Variants in AAK1 observed in about 807,000 individuals in gnomAD.
AAK1 encodes the protein AP2-associated protein kinase 1.
Under a neutral mutation model 116.0 loss-of-function variants are expected in AAK1, and 37 were observed. The observed-to-expected ratio is 0.32, with a 90% confidence interval of 0.25 to 0.42. The LOEUF is 0.42. AAK1 is among the 10% of genes least tolerant of loss of function. The probability of loss-of-function intolerance (pLI) is 1.00; values close to 1 mark genes in which losing one functional copy is unlikely to be tolerated. For missense variants in AAK1, 919 were observed against 1,170.6 expected (o/e 0.79, Z 3.14); for synonymous variants, 458 against 439.9 (o/e 1.04, Z -0.51).
chr2:69,598,120 A>C lies in AAK1; in HGVS notation c.164-41142T>G, dbSNP rs1478396770. The C allele has an allele frequency of 4.4e-6, 5 of 1,136,682 alleles. No homozygotes were observed. In the Admixed American group the frequency reaches 1.6e-4, roughly 36 times the overall value. The allele number at this position is 1,136,682 out of a possible 1,614,324, so 70.4% of individuals were successfully genotyped here. A position where few individuals can be genotyped will look rare whatever the true frequency, so the allele number is the denominator to read the frequency against. Reference sequence around the variant, plus strand: ...ATACATATAATAACATGACCTTGAAAACCATTATGGCATTCAGGTGGGTAA... The same window carrying C: ...ATACATATAATAACATGACCTTGAACACCATTATGGCATTCAGGTGGGTAA... On this transcript the variant is annotated intron_variant, in intron 2 of 21. Coordinates refer to ENST00000409085, the MANE Select transcript of AAK1 (RefSeq NM_014911.5).
chr2:69,530,330 A>C (rs759300996), intron 7 of AAK1, among the ~76,000 whole-genome samples, 190 bp from the exon 8 acceptor site: 5 of 152,184 alleles, frequency 3.3e-5, no homozygotes, highest in Non-Finnish European at 7.3e-5. Context: ...TTCTACCATT[A>C]TTACCAAATC....
chr2:69,516,360 G>A (rs1676582048), intron 12 of AAK1, among the ~76,000 whole-genome samples: 1 of 148,514 alleles, frequency 6.7e-6, no homozygotes, highest in South Asian at 2.1e-4. Context: ...CAGAAATCCA[G>A]TAATTACAAA....
In AAK1 at chr2:69,470,196, G is replaced by C; in HGVS notation, c.*5673C>G. On this transcript the variant is annotated 3_prime_UTR_variant, in exon 22 of 22. Coordinates refer to ENST00000409085, the MANE Select transcript of AAK1 (RefSeq NM_014911.5). ...ACCAAAAACTGAAAGAACGGTTACA[G>C]GGAGTATCAAAGATATGATTCTTGC... is the stretch of plus-strand genomic sequence containing the variant. 8.1e-6 allele frequency: 8 copies of C among 985,408 alleles called. No homozygotes were observed. Among genetic ancestry groups the C allele is most frequent in the African/African-American group, 1.7e-5 (1 of 57,340 alleles). 61.0% of individuals were successfully genotyped at this position (985,408 alleles called of 1,614,324 possible).
chr2:69,547,179 G>T (rs1327484195), intron 3 of AAK1, among the ~76,000 whole-genome samples: 1 of 152,128 alleles, frequency 6.6e-6, no homozygotes, highest in African/African-American at 2.4e-5. Flanking sequence ...AAACATACGT[G>T]CAAATCTTTG....
chr2:69,471,314 G>C lies in AAK1; in HGVS notation c.*4555C>G. ...ATTAGTGAAAGGAAATCTGGGAGAA[G>C]CAAAAGAGGTTTCTTGTTATAGATT... On this transcript the variant is annotated 3_prime_UTR_variant, in exon 22 of 22. Transcript: ENST00000409085. The C allele has an allele frequency of 1.0e-6, 1 of 985,456 alleles. No individual in the cohort carries two copies. The highest frequency in any genetic ancestry group is 1.2e-6 in the Non-Finnish European group (1 of 829,932). The allele number at this position is 985,456 out of a possible 1,614,324, so 61.0% of individuals were successfully genotyped here. A position where few individuals can be genotyped will look rare whatever the true frequency, so the allele number is the denominator to read the frequency against.
At chr2:69,623,191 G>T (rs1423178011) in intron 2 of AAK1, among the ~76,000 whole-genome samples, 2 of 152,278 alleles carry the variant, frequency 1.3e-5, no homozygotes, top group Admixed American at 1.3e-4. Context: ...CCAGAAGGAA[G>T]AAACTCTGAA....
At chr2:69,489,606 C>A (rs1261268726) in intron 17 of AAK1, among the ~76,000 whole-genome samples, 1 of 152,106 alleles carries the variant, frequency 6.6e-6, no homozygotes, top group Admixed American at 6.5e-5. Flanking sequence ...CCAGCCCCAC[C>A]AAAAAAGAGG....
chr2:69,503,528 T>C (rs1035036471), intron 16 of AAK1, among the ~76,000 whole-genome samples: 3 of 152,216 alleles, frequency 2.0e-5, no homozygotes, highest in Non-Finnish European at 4.4e-5. Context: ...GTTTTTGTTT[T>C]TGTTTTTTTG....
At chr2:69,560,151 C>T (rs1461641169) in intron 2 of AAK1, among the ~76,000 whole-genome samples, 4 of 152,214 alleles carry the variant, frequency 2.6e-5, no homozygotes, top group African/African-American at 2.4e-5. Context: ...TCAAAATCCA[C>T]GCCTAACAGG....
At chr2:69,595,263 C>T (rs1483698997) in intron 2 of AAK1, among the ~76,000 whole-genome samples, 2 of 152,068 alleles carry the variant, frequency 1.3e-5, no homozygotes, top group African/African-American at 2.4e-5. Flanking sequence ...CAGGCACGCA[C>T]CACCACACCT....
chr2:69,472,158 T>C lies in AAK1; in HGVS notation c.*3711A>G. The C allele has an allele frequency of 1.0e-6, 1 of 983,970 alleles. No homozygotes were observed. The highest frequency in any genetic ancestry group is 1.2e-6 in the Non-Finnish European group (1 of 828,558). The allele number at this position is 983,970 out of a possible 1,614,324, so 61.0% of individuals were successfully genotyped here. On this transcript the variant is annotated 3_prime_UTR_variant, in exon 22 of 22. Coordinates refer to ENST00000409085, the MANE Select transcript of AAK1 (RefSeq NM_014911.5). Reference sequence around the variant, plus strand: ...TTACAGAAATTAAGTCTTAATCATGTTCACTTTCTATTATAAGGTCCTCTC... The same window carrying C: ...TTACAGAAATTAAGTCTTAATCATGCTCACTTTCTATTATAAGGTCCTCTC...
At chr2:69,571,429 C>A (rs1266457588) in intron 2 of AAK1, among the ~76,000 whole-genome samples, 1 of 152,216 alleles carries the variant, frequency 6.6e-6, no homozygotes, top group African/African-American at 2.4e-5. Flanking sequence ...AATCTAGCTT[C>A]ACTTCCTGCT....
Position 69,469,910 on chromosome 2 carries a change from T to G in AAK1, c.*5959A>C. 22 of 985,406 alleles carry G rather than the reference T, an allele frequency of 2.2e-5. No individual in the cohort carries two copies. Among genetic ancestry groups the G allele is most frequent in the Non-Finnish European group, 2.7e-5 (22 of 829,934 alleles). 61.0% of individuals were successfully genotyped at this position (985,406 alleles called of 1,614,324 possible). A position where few individuals can be genotyped will look rare whatever the true frequency, so the allele number is the denominator to read the frequency against. ...AAATTATGTAGATTTCAGCAAGAAC[T>G]CACATGCTTCAGGGAAGAGAAGGAG... On this transcript the variant is annotated 3_prime_UTR_variant, in exon 22 of 22. Coordinates refer to ENST00000409085, the MANE Select transcript of AAK1 (RefSeq NM_014911.5).
intron 9 of AAK1, 28 bp from the exon 10 acceptor site, chr2:69,525,140 A>G (rs1558935077): frequency 6.2e-7 from 1 of 1,604,318 alleles, no homozygotes. Flanking sequence ...AAACAGAACA[A>G]AACAAAAGGA....
chr2:69,623,094 CTT>C (rs1674733084), intron 2 of AAK1, among the ~76,000 whole-genome samples: 1 of 152,180 alleles, frequency 6.6e-6, no homozygotes. Flanking sequence ...GCTGCTCACT[CTT>C]TGGGTCCACA....
intron 2 of AAK1, among the ~76,000 whole-genome samples, chr2:69,579,790 T>G (rs370633863): frequency 6.6e-6 from 1 of 152,102 alleles, no homozygotes; most frequent in Non-Finnish European, 1.5e-5. Context: ...CCCTGGTTGA[T>G]TTCACCCATT....
At chr2:69,614,490 G>A (rs1367032055) in intron 2 of AAK1, among the ~76,000 whole-genome samples, 1 of 152,132 alleles carries the variant, frequency 6.6e-6, no homozygotes, top group Non-Finnish European at 1.5e-5. Context: ...AGGGTCCCAG[G>A]TGAGGGATTT....
chr2:69,466,223 T>C lies in AAK1; in HGVS notation c.*9646A>G, dbSNP rs1674480300. The C allele has an allele frequency of 1.6e-6, 2 of 1,289,682 alleles. No individual in the cohort carries two copies. The highest frequency in any genetic ancestry group is 1.2e-5 in the South Asian group (1 of 81,026). 79.9% of individuals were successfully genotyped at this position (1,289,682 alleles called of 1,614,324 possible). Reference sequence around the variant, plus strand: ...TCTTTGCTTGCTCAGGAGAGACTTCTGGTGGAGCGAATGGAACGGCTCCTC... The same window carrying C: ...TCTTTGCTTGCTCAGGAGAGACTTCCGGTGGAGCGAATGGAACGGCTCCTC... On this transcript the variant is annotated 3_prime_UTR_variant, in exon 22 of 22. Transcript: ENST00000409085.
intron 2 of AAK1, among the ~76,000 whole-genome samples, chr2:69,624,737 G>A (rs1674818650): frequency 6.6e-6 from 1 of 152,154 alleles, no homozygotes; most frequent in Admixed American, 6.5e-5. Context: ...TCATCTGAGA[G>A]TCTCCAGCAG....
Sources: allele counts gnomAD v4.1 joint callset (sites outside exome capture counted in the v4.1 genomes callset), GRCh38; gene constraint gnomAD v4.1.1; transcripts MANE v1.5; gene names NCBI Gene and HGNC (gene_info 2026-07-23, HGNC 2026-07-21).